Variants in TBC1D8 observed in about 807,000 individuals in gnomAD.
TBC1D8 encodes BUB2-like protein 1.
In TBC1D8, 65 loss-of-function variants were observed where a neutral mutation model predicts 118.8. The ratio of observed to expected loss-of-function variants is 0.55; its 90% CI spans 0.45 to 0.67. The LOEUF (loss-of-function observed/expected upper bound fraction) is 0.67, where lower values mean the gene tolerates loss of function less well. Ranked by LOEUF, TBC1D8 falls within the 30% of genes least tolerant of loss-of-function variation. The pLI, the probability that TBC1D8 is intolerant of heterozygous loss-of-function variation, is 0.00. For missense variants in TBC1D8, 1,376 were observed against 1,471.2 expected (o/e 0.94, Z 1.06); for synonymous variants, 566 against 595.8 (o/e 0.95, Z 0.73).
At chr2:101,052,882 A>G (rs565457282) in intron 4 of TBC1D8, among the ~76,000 whole-genome samples, 1 of 152,334 alleles carries the variant, frequency 6.6e-6, no homozygotes, top group East Asian at 1.9e-4. Flanking sequence ...ATCAGGCTCA[A>G]CAATAAACTT....
intron 15 of TBC1D8, among the ~76,000 whole-genome samples, chr2:101,026,472 AC>A (rs2105382154): frequency 6.6e-6 from 1 of 152,178 alleles, no homozygotes; most frequent in African/African-American, 2.4e-5. Flanking sequence ...CTACTAACTA[AC>A]CCAACAACCC....
At chr2:101,108,699 T>G (rs1162220795) in intron 1 of TBC1D8, among the ~76,000 whole-genome samples, 8 of 152,088 alleles carry the variant, frequency 5.3e-5, no homozygotes. Flanking sequence ...TAAGAACCCT[T>G]GTGATCACAT....
intron 1 of TBC1D8, among the ~76,000 whole-genome samples, chr2:101,125,283 T>A (rs893003882): frequency 6.6e-6 from 1 of 151,858 alleles, no homozygotes; most frequent in Non-Finnish European, 1.5e-5. Context: ...CTTCTAAGAG[T>A]ACACAAGAAA....
chr2:101,009,515 C>T (rs980492123), intron 19 of TBC1D8, among the ~76,000 whole-genome samples: 8 of 151,708 alleles, frequency 5.3e-5, no homozygotes, highest in South Asian at 2.1e-4. Context: ...GAACATGGCC[C>T]GTTTTGTTTG....
At chr2:101,041,080 C>T (rs1681359441) in intron 5 of TBC1D8, among the ~76,000 whole-genome samples, 1 of 152,124 alleles carries the variant, frequency 6.6e-6, no homozygotes, top group African/African-American at 2.4e-5. Context: ...GGAACCCTAC[C>T]GCACTGCTGA....
intron 17 of TBC1D8, chr2:101,018,288 A>G (rs1194122360): frequency 5.6e-6 from 1 of 179,536 alleles, no homozygotes; most frequent in African/African-American, 2.4e-5. Context: ...TTTTATCAGT[A>G]TGTGTTAATA....
chr2:101,035,025 G>T (rs115523663), intron 9 of TBC1D8, among the ~76,000 whole-genome samples: 2 of 152,076 alleles, frequency 1.3e-5, no homozygotes, highest in Admixed American at 1.3e-4. Context: ...GGCTGGGGGG[G>T]AGACAGGGAA....
At chr2:101,110,000 A>G in intron 1 of TBC1D8, 1 of 985,442 alleles carries the variant, frequency 1.0e-6, no homozygotes, top group South Asian at 4.7e-5. Context: ...GTCTGGCGCT[A>G]CAGGAAAATC....
At chr2:101,095,764 C>G (rs891352018) in intron 1 of TBC1D8, among the ~76,000 whole-genome samples, 2 of 152,054 alleles carry the variant, frequency 1.3e-5, no homozygotes, top group South Asian at 4.2e-4. Context: ...TTCCACCCTC[C>G]CTGGCCCATG....
chr2:101,046,514 G>A (rs971261792), intron 5 of TBC1D8, among the ~76,000 whole-genome samples: 3 of 152,208 alleles, frequency 2.0e-5, no homozygotes, highest in Non-Finnish European at 4.4e-5. Flanking sequence ...CTCTTGCAAG[G>A]TGGGGCCTGT....
At chr2:101,107,718 G>C (rs1324886417) in intron 1 of TBC1D8, among the ~76,000 whole-genome samples, 1 of 152,098 alleles carries the variant, frequency 6.6e-6, no homozygotes, top group Non-Finnish European at 1.5e-5. Flanking sequence ...TCTGGAACTG[G>C]AACAGGAAAT....
At chr2:101,116,830 T>C (rs1677840885) in intron 1 of TBC1D8, among the ~76,000 whole-genome samples, 1 of 151,924 alleles carries the variant, frequency 6.6e-6, no homozygotes, top group Non-Finnish European at 1.5e-5. Flanking sequence ...TTAGTAGAGA[T>C]GGAGTTTTGC....
At chr2:101,029,091 A>C (rs1223450458) in intron 12 of TBC1D8, among the ~76,000 whole-genome samples, 3 of 152,204 alleles carry the variant, frequency 2.0e-5, no homozygotes, top group Non-Finnish European at 4.4e-5. Context: ...GCTGAGACGA[A>C]CAGAAAACTT....
chr2:101,022,339 C>T lies in TBC1D8; in HGVS notation c.2703G>A (p.Arg901=). The change falls in exon 16 of 20, where the codon AGG becomes AGA. Residue 901 remains arginine, a synonymous_variant. Transcript: ENST00000409318. ...GCTGGTCCATGTTGTCATCCAAGAG[C>T]CTGAACGTCCTTTCGGCGAGGATCT... ...HTEILAERTF[R]LLDDNMDQLI... is the part of the protein sequence containing the mutation. 1 of 1,612,558 alleles carries T rather than the reference C, an allele frequency of 6.2e-7. No individual in the cohort carries two copies. The highest frequency in any genetic ancestry group is 8.5e-7 in the Non-Finnish European group (1 of 1,179,556).
At chr2:101,086,510 T>C (rs1419696228) in intron 2 of TBC1D8, among the ~76,000 whole-genome samples, 1 of 150,630 alleles carries the variant, frequency 6.6e-6, no homozygotes, top group African/African-American at 2.4e-5. Context: ...ATCAAGTTAC[T>C]AAACTTCAAT....
intron 17 of TBC1D8, among the ~76,000 whole-genome samples, chr2:101,016,992 G>C (rs1679696803): frequency 6.6e-6 from 1 of 151,786 alleles, no homozygotes; most frequent in African/African-American, 2.4e-5. Flanking sequence ...GAGTTAATGG[G>C]TGCAGCACAC....
chr2:101,135,829 C>A (rs1369506775), intron 1 of TBC1D8, among the ~76,000 whole-genome samples: 1 of 152,010 alleles, frequency 6.6e-6, no homozygotes, highest in African/African-American at 2.4e-5. Flanking sequence ...GATTTTGGAA[C>A]CTGATTTTGT....
Position 101,022,507 on chromosome 2 carries a change from C to G in TBC1D8, c.2535G>C (p.Met845Ile), listed in dbSNP as rs559807365. Residue 845 changes from methionine to isoleucine, a missense_variant, in exon 16 of 20, where the codon ATG (methionine) becomes ATC (isoleucine). Coordinates refer to ENST00000409318, the MANE Select transcript of TBC1D8 (RefSeq NM_001330348.2). Reference sequence around the variant, plus strand: ...GCCTGGGCTGCTCCCAGTAACAGCTCATCATATGTTCTCTCTTCAAACAAG... The same window carrying G: ...GCCTGGGCTGCTCCCAGTAACAGCTGATCATATGTTCTCTCTTCAAACAAG... ...LYDLFKREHM[M>I]SCYWEQPRPM... The G allele has an allele frequency of 8.5e-5, 135 of 1,593,828 alleles. 2 individuals are homozygous for G. In the South Asian group the frequency reaches 1.4e-3, roughly 17 times the overall value.
At chr2:101,033,956 G>T (rs753768169) in intron 9 of TBC1D8, among the ~76,000 whole-genome samples, 198 bp from the exon 10 acceptor site, 3 of 152,140 alleles carry the variant, frequency 2.0e-5, no homozygotes, top group African/African-American at 7.2e-5. Flanking sequence ...TTGAGGTCAG[G>T]AGTTCGAGAC....
Sources: gnomAD v4.1 joint callset for allele counts (sites outside exome capture counted in the v4.1 genomes callset) on GRCh38, gnomAD v4.1.1 for gene constraint, MANE v1.5 for transcripts, NCBI Gene and HGNC (gene_info 2026-07-23, HGNC 2026-07-21) for gene names.